Variants in RABL6 observed in about 807,000 individuals in gnomAD.
RABL6 encodes the protein RAB, member RAS oncogene family like 6.
Under a neutral mutation model 72.9 loss-of-function variants are expected in RABL6, and 28 were observed. The observed-to-expected ratio is 0.38, with a 90% CI of 0.28 to 0.53. The LOEUF is 0.53. Ranked by LOEUF, RABL6 falls within the 20% of genes least tolerant of loss-of-function variation. RABL6 has a pLI of 0.80. For missense variants in RABL6, 1,029 were observed against 1,008.4 expected (o/e 1.02, Z -0.28); for synonymous variants, 477 against 421.2 (o/e 1.13, Z -1.62).
intron 5 of RABL6, 111 bp downstream of exon 5, chr9:136,829,595 G>A (rs1000126799): frequency 5.1e-5 from 51 of 997,606 alleles, no homozygotes; most frequent in South Asian, 1.1e-4. Context: ...CTGCAGGACC[G>A]AGGGACTCTT....
intron 1 of RABL6, chr9:136,821,777 T>C: frequency 1.7e-6 from 2 of 1,164,060 alleles, no homozygotes; most frequent in Non-Finnish European, 2.1e-6. Flanking sequence ...GCAGGCGGCC[T>C]CTGTTCTCCA....
chr9:136,815,106 C>A, intron 1 of RABL6: 1 of 234,788 alleles, frequency 4.3e-6, no homozygotes, highest in South Asian at 4.8e-5. Context: ...GCAGGGGCAC[C>A]CGCTGCTGCC....
chr9:136,811,612 T>C (rs1170930184), intron 1 of RABL6, among the ~76,000 whole-genome samples: 2 of 142,870 alleles, frequency 1.4e-5, no homozygotes, highest in Non-Finnish European at 3.0e-5. Flanking sequence ...AGTCAGACCC[T>C]GTCTCAAAAA....
At position 136,835,943 on chromosome 9, in the gene RABL6, T is replaced by A. The variant is rs577662409; in HGVS notation, c.809+98T>A. 7 of 1,193,102 alleles carry A rather than the reference T, an allele frequency of 5.9e-6. No homozygotes were observed. The East Asian group carries it at 1.3e-4, about 22-fold the overall frequency. 73.9% of individuals were successfully genotyped at this position (1,193,102 alleles called of 1,614,324 possible). ...GCACCAAGGAGACAGCAGAGGGGAG[T>A]GTCCCCTGTTTGGGGTAAATTAGTC... is the stretch of plus-strand genomic sequence containing the variant. On this transcript the variant is annotated intron_variant, in intron 8 of 14. Coordinates refer to ENST00000311502, the MANE Select transcript of RABL6 (RefSeq NM_024718.5).
chr9:136,832,357 T>C lies in RABL6; in HGVS notation c.692T>C (p.Phe231Ser), dbSNP rs1392508113. The change falls in exon 7 of 15, where the codon TTT (phenylalanine) becomes TCT (serine). Residue 231 changes from phenylalanine to serine, a missense_variant. Around this residue, in one of 2 missense-constraint regions of RABL6, gnomAD observed 434 missense variants for 536.1 expected, o/e 0.81. Coordinates refer to ENST00000311502, the MANE Select transcript of RABL6 (RefSeq NM_024718.5). ...KYLHKFFNIP[F>S]LQLQRETLLR... ...CTTCATAAGTTCTTCAATATCCCAT[T>C]TTTGCAGCTTCAGGTAAGCACTCAC... 1 of 1,613,114 alleles carries C rather than the reference T, an allele frequency of 6.2e-7. No homozygotes were observed. The highest frequency in any genetic ancestry group is 1.1e-5 in the South Asian group (1 of 91,070).
rs983704560 is a variant in RABL6 at position 136,826,824 on chromosome 9, C to G, written c.313+998C>G. 2 of 152,362 alleles carry G rather than the reference C, an allele frequency of 1.3e-5. No individual in the cohort carries two copies. The highest frequency in any genetic ancestry group is 4.8e-5 in the African/African-American group (2 of 41,452). 9.4% of individuals were successfully genotyped at this position (152,362 alleles called of 1,614,324 possible). The stretch of plus-strand genomic sequence containing the variant: ...GTGGCTCAGGAAGGGCCGTCCTGAC[C>G]CCCATCCTGGCCCCTTTCGGAGCTG... On this transcript the variant is annotated intron_variant, in intron 3 of 14. Transcript: ENST00000311502. The surrounding 1 kb of genome is among the most constrained non-coding windows in gnomAD (Gnocchi z 4.9).
At chr9:136,815,738 C>T (rs1588348743) in intron 1 of RABL6, among the ~76,000 whole-genome samples, 1 of 152,280 alleles carries the variant, frequency 6.6e-6, no homozygotes, top group East Asian at 1.9e-4. Flanking sequence ...ATCATAAGCT[C>T]TTCTTGGTAT....
At chr9:136,817,501 ACG>A (rs1848143137) in intron 1 of RABL6, among the ~76,000 whole-genome samples, 6 of 151,400 alleles carry the variant, frequency 4.0e-5, no homozygotes, top group Admixed American at 2.0e-4. Context: ...GGGGAGGCCG[ACG>A]TGGGCTGAGG....
rs2131207364 is a variant in RABL6, at chr9:136,839,424, C to T, written c.1696C>T (p.Leu566=). ...DPEGPIAAQM[L]SFVMDDPDFE... ...CGAGGGACCCATTGCTGCACAAATG[C>T]TGTCCTTCGTCATGGATGACCCCGA... The change falls in exon 12 of 15, where the codon CTG becomes TTG. Residue 566 remains leucine (L), a synonymous_variant. Transcript: ENST00000311502. 6.2e-7 allele frequency: 1 copy of T among 1,612,614 alleles called. No individual in the cohort carries two copies. The highest frequency in any genetic ancestry group is 8.5e-7 in the Non-Finnish European group (1 of 1,179,748).
rs753089477 is a variant in RABL6, at chr9:136,808,342, C to CG, written c.130+23dup. 6.0e-5 allele frequency: 89 copies of CG among 1,492,710 alleles called. 1 individual carries two copies. The Middle Eastern group carries it at 7.9e-4, about 13-fold the overall frequency. The allele number at this position is 1,492,710 out of a possible 1,614,324, so 92.5% of individuals were successfully genotyped here. On this transcript the variant is annotated intron_variant, in intron 1 of 14. Coordinates refer to ENST00000311502, the MANE Select transcript of RABL6 (RefSeq NM_024718.5). ...CAGTACAACAGTGAGTGCGGCGGGC[C>CG]GGGGGGGCGCGGGAGCGCCGCGCGG... is the stretch of plus-strand genomic sequence containing the variant.
chr9:136,834,567 C>T lies in RABL6; in HGVS notation c.706-1175C>T, dbSNP rs1177113437. ...AATCTTGCCTCACTGTAACCTCTGC[C>T]TCCTGGGTTCAAGCGATTCTCCTGC... On this transcript the variant is annotated intron_variant, in intron 7 of 14. Transcript: ENST00000311502. 3 of 749,484 alleles carry T rather than the reference C, an allele frequency of 4.0e-6. No individual in the cohort carries two copies. The Admixed American group carries it at 1.9e-4, about 47-fold the overall frequency. The allele number at this position is 749,484 out of a possible 1,614,324, so 46.4% of individuals were successfully genotyped here.
chr9:136,835,773 A>G lies in RABL6; in HGVS notation c.737A>G (p.Asn246Ser), dbSNP rs1387495905. The G allele has an allele frequency of 1.3e-6, 2 of 1,551,134 alleles. No homozygotes were observed. The highest frequency in any genetic ancestry group is 1.7e-6 in the Non-Finnish European group (2 of 1,148,082). The change falls in exon 8 of 15, where the codon AAC becomes AGC. Residue 246 changes from asparagine to serine, a missense_variant. Asn to Ser is a conservative substitution (Grantham distance 46, BLOSUM62 1). Transcript: ENST00000311502. ...ACGCTGTTGCGGCAGCTGGAGACGA[A>G]CCAGCTGGACATGGACGCCACGCTG... ...RETLLRQLET[N>S]QLDMDATLEE...
Position 136,839,100 on chromosome 9 carries a change from G to A in RABL6, c.1472G>A (p.Cys491Tyr), listed in dbSNP as rs767098052. Residue 491 changes from cysteine (C) to tyrosine (Y), a missense_variant, in exon 11 of 15, where the codon TGC becomes TAC. Cys to Tyr is a radical substitution (Grantham distance 194). Transcript: ENST00000311502. ...GGCCCTGCCCCAGCTCCCCAGCAGT[G>A]CTCAGAGCCAGAGACCAAGTGGTAA... is the stretch of plus-strand genomic sequence containing the variant. ...TKGPAPAPQQ[C>Y]SEPETKWSSI... The A allele has an allele frequency of 6.2e-7, 1 of 1,612,372 alleles. No individual in the cohort carries two copies. The highest frequency in any genetic ancestry group is 8.5e-7 in the Non-Finnish European group (1 of 1,179,798).
At chr9:136,830,028 G>T (rs747899984) in intron 5 of RABL6, among the ~76,000 whole-genome samples, 56 of 152,360 alleles carry the variant, frequency 3.7e-4, no homozygotes, top group Non-Finnish European at 7.4e-4. Flanking sequence ...GCCCCAGCGG[G>T]GGGGTGCTGC....
intron 10 of RABL6, 147 bp downstream of exon 10, chr9:136,838,162 G>A: frequency 2.8e-6 from 3 of 1,080,694 alleles, no homozygotes; most frequent in South Asian, 1.6e-5. Context: ...CTCTGTGGCT[G>A]GAGCAGACGA....
chr9:136,821,941 A>C, intron 1 of RABL6: 2 of 1,288,602 alleles, frequency 1.6e-6, no homozygotes, highest in Admixed American at 2.3e-5. Context: ...GTTTTGCCGC[A>C]GCGCTGGCCG....
chr9:136,825,919 C>A, intron 3 of RABL6, 93 bp downstream of exon 3: 1 of 1,427,632 alleles, frequency 7.0e-7, no homozygotes, highest in South Asian at 1.2e-5. Flanking sequence ...CCATGCATCA[C>A]CCACCATCCT....
In RABL6 at chr9:136,840,419, C is replaced by T. The variant is rs764404028; in HGVS notation, c.2087C>T (p.Pro696Leu). The T allele has an allele frequency of 1.7e-5, 26 of 1,549,962 alleles. No homozygotes were observed. Among genetic ancestry groups the T allele is most frequent in the East Asian group, 7.3e-5 (3 of 40,848 alleles). The change falls in exon 15 of 15, where the codon CCG becomes CTG. Residue 696 changes from proline to leucine, a missense_variant. By Grantham distance (98) the Pro-to-Leu change is moderately conservative. Coordinates refer to ENST00000311502, the MANE Select transcript of RABL6 (RefSeq NM_024718.5). Reference sequence around the variant, plus strand: ...CGGCGACGGCGGCAGCAGCGGCCCCCGCGCAGCAGGGAGAGGACGGCTGCC... The same window carrying T: ...CGGCGACGGCGGCAGCAGCGGCCCCTGCGCAGCAGGGAGAGGACGGCTGCC... ...EERRRRQQRP[P>L]RSRERTAADE...
chr9:136,822,987 C>A (rs1480268126), intron 1 of RABL6, among the ~76,000 whole-genome samples: 4 of 151,274 alleles, frequency 2.6e-5, no homozygotes, highest in Admixed American at 2.6e-4. Flanking sequence ...ACTCGGGAGG[C>A]TGAGACAGGA....
Sources: gnomAD v4.1 joint callset for allele counts (sites outside exome capture counted in the v4.1 genomes callset) on GRCh38, gnomAD v4.1.1 for gene constraint, gnomAD v4.1.1 regional missense constraint, Gnocchi (gnomAD v3.1) non-coding constraint, MANE v1.5 for transcripts, NCBI Gene and HGNC (gene_info 2026-07-23, HGNC 2026-07-21) for gene names.